Variants in RBM41 observed in about 807,000 individuals in gnomAD.
RBM41 encodes RNA binding motif protein 41.
RBM41 carries 14 observed loss-of-function variants against 30.8 expected under a neutral mutation model. The ratio of observed to expected loss-of-function variants is 0.45; its 90% CI spans 0.30 to 0.71. The LOEUF is 0.71. RBM41 is among the 30% of genes least tolerant of loss of function. RBM41 has a pLI of 0.08. For missense variants in RBM41, 276 were observed against 326.3 expected (o/e 0.85, Z 1.19); for synonymous variants, 120 against 110.1 (o/e 1.09, Z -0.56).
At chrX:107,097,385 C>T (rs1365828395) in intron 5 of RBM41, among the ~76,000 whole-genome samples, 13 of 111,571 alleles carry the variant, frequency 1.2e-4, no homozygotes, top group Non-Finnish European at 2.3e-4. Context: ...AATTGTAATC[C>T]CCATAATCCC....
At chrX:107,093,580 T>C (rs1922733281) in intron 5 of RBM41, among the ~76,000 whole-genome samples, 1 of 111,784 alleles carries the variant, frequency 8.9e-6, no homozygotes, top group Non-Finnish European at 1.9e-5. Flanking sequence ...TGGATGCAGC[T>C]AAAACAATGC....
At chrX:107,113,764 T>C (rs754642065) in intron 4 of RBM41, among the ~76,000 whole-genome samples, 7 of 112,163 alleles carry the variant, frequency 6.2e-5, no homozygotes, top group Non-Finnish European at 1.1e-4. Context: ...TTATGCTAAA[T>C]GTCTCTCCAC....
Position 107,064,411 on chromosome X carries a change from T to A in RBM41, c.*3116A>T, listed in dbSNP as rs1450034132. On this transcript the variant is annotated 3_prime_UTR_variant, in exon 8 of 8. Transcript: ENST00000685964. ...GATTTTTTTCTTTGACACATTTTTTTTTTTTTTTGGTAATGACAGGGTCTT... is the reference window on the plus strand; with the variant it reads ...GATTTTTTTCTTTGACACATTTTTTATTTTTTTTGGTAATGACAGGGTCTT... The A allele has an allele frequency of 4.6e-5, 5 of 109,181 alleles. No individual in the cohort carries two copies. The highest frequency in any genetic ancestry group is 1.7e-4 in the African/African-American group (5 of 29,976). The allele number at this position is 109,181 out of a possible 1,213,427, so 9.0% of individuals were successfully genotyped here.
rs767436969 is a variant in RBM41, at chrX:107,064,730, C to T, written c.*2797G>A. 1.1e-4 allele frequency: 12 copies of T among 111,860 alleles called. No homozygotes were observed. Among genetic ancestry groups the T allele is most frequent in the African/African-American group, 2.9e-4 (9 of 30,839 alleles). The allele number at this position is 111,860 out of a possible 1,213,427, so 9.2% of individuals were successfully genotyped here. ...ATTTTGGAGATGTTTCATATGCACT[C>T]GAGAAGAATATGTATTCTGATGTTG... On this transcript the variant is annotated 3_prime_UTR_variant, in exon 8 of 8. Transcript: ENST00000685964.
At chrX:107,112,975 G>T in intron 5 of RBM41, 1 of 275,272 alleles carries the variant, frequency 3.6e-6, no homozygotes, top group Non-Finnish European at 6.9e-6. Flanking sequence ...GAATCTACAT[G>T]ATTTACAATT....
chrX:107,109,479 T>C (rs973411225), intron 5 of RBM41, among the ~76,000 whole-genome samples: 5 of 111,896 alleles, frequency 4.5e-5, no homozygotes, highest in Non-Finnish European at 9.4e-5. Flanking sequence ...GAGTCTTCTT[T>C]CTGTTTAACT....
chrX:107,053,335 C>T, the RBM41 span, among the ~76,000 whole-genome samples: 4 of 113,190 alleles, frequency 3.5e-5, no homozygotes, highest in East Asian at 1.1e-3. Flanking sequence ...AAAAAATATT[C>T]CTGAGGGTAG....
At chrX:107,082,962 G>T (rs1296274623) in intron 6 of RBM41, among the ~76,000 whole-genome samples, 1 of 111,037 alleles carries the variant, frequency 9.0e-6, no homozygotes, top group East Asian at 2.8e-4. Context: ...GAAAATAAAA[G>T]ATTTCATTTT....
intron 6 of RBM41, among the ~76,000 whole-genome samples, chrX:107,070,608 C>T (rs1201342761): frequency 2.7e-5 from 3 of 111,507 alleles, no homozygotes; most frequent in African/African-American, 6.5e-5. Flanking sequence ...ATCTTAGGAA[C>T]TCCTCTAATG....
At chrX:107,082,664 A>C (rs1921638354) in intron 6 of RBM41, among the ~76,000 whole-genome samples, 1 of 111,255 alleles carries the variant, frequency 9.0e-6, no homozygotes, top group African/African-American at 3.3e-5. Context: ...TCTCTTAGCC[A>C]TATCAGTTGT....
intron 5 of RBM41, among the ~76,000 whole-genome samples, chrX:107,091,220 A>C (rs989387796): frequency 2.1e-4 from 23 of 112,077 alleles, no homozygotes; most frequent in Non-Finnish European, 4.1e-4. Flanking sequence ...TCATATGCTT[A>C]ATATTAGCAA....
chrX:107,078,294 T>C (rs1158788902), intron 6 of RBM41, among the ~76,000 whole-genome samples: 1 of 111,638 alleles, frequency 9.0e-6, no homozygotes, highest in African/African-American at 3.3e-5. Flanking sequence ...GAAGTCATTA[T>C]GAGCAGCTCA....
intron 5 of RBM41, among the ~76,000 whole-genome samples, chrX:107,110,541 G>A (rs929197199): frequency 9.0e-6 from 1 of 111,248 alleles, no homozygotes; most frequent in Non-Finnish European, 1.9e-5. Context: ...CAGATTCAAT[G>A]TAAGTCCTAC....
intron 6 of RBM41, among the ~76,000 whole-genome samples, chrX:107,079,253 T>C (rs962481909): frequency 8.9e-6 from 1 of 112,425 alleles, no homozygotes; most frequent in Admixed American, 9.4e-5. Context: ...GAGTTCATCC[T>C]GATGTCTCCA....
At chrX:107,052,153 G>C in the RBM41 span, among the ~76,000 whole-genome samples, 1 of 111,692 alleles carries the variant, frequency 9.0e-6, no homozygotes, top group Non-Finnish European at 1.9e-5. Context: ...ATTTAATAGA[G>C]TGAAAACAGG....
chrX:107,111,559 T>C (rs900047216), intron 5 of RBM41, among the ~76,000 whole-genome samples: 1 of 111,104 alleles, frequency 9.0e-6, no homozygotes, highest in Non-Finnish European at 1.9e-5. Flanking sequence ...CCTACAATAA[T>C]TGAAAGCAGG....
At chrX:107,056,150 G>A in the RBM41 span, among the ~76,000 whole-genome samples, 2 of 111,711 alleles carry the variant, frequency 1.8e-5, no homozygotes, top group Non-Finnish European at 3.8e-5. Context: ...TAAATGAGAT[G>A]ATCATGTGTT....
In RBM41 at chrX:107,063,215, C is replaced by G. The variant is rs1213830997; in HGVS notation, c.*4312G>C. 9.0e-6 allele frequency among the ~76,000 whole-genome samples: 1 copy of G among 111,035 alleles called. No homozygotes were observed. The highest frequency in any genetic ancestry group is 2.8e-4 in the East Asian group (1 of 3,563). On this transcript the variant is annotated 3_prime_UTR_variant, in exon 8 of 8. Transcript: ENST00000685964. The stretch of plus-strand genomic sequence containing the variant: ...TTACCCCCAGCCCTTCCCATTCCCC[C>G]CAACTCTGTGCTAGCCCTAAGCAAC...
chrX:107,118,738 G>C (rs766722624), intron 1 of RBM41, 28 bp downstream of exon 1: 3 of 1,209,583 alleles, frequency 2.5e-6, no homozygotes, highest in Admixed American at 2.2e-5. Context: ...AGCTCCCCTT[G>C]CCGCCTGCTC....
Sources: gnomAD v4.1 joint callset for allele counts (sites outside exome capture counted in the v4.1 genomes callset) on GRCh38, gnomAD v4.1.1 for gene constraint, MANE v1.5 for transcripts, NCBI Gene and HGNC (gene_info 2026-07-23, HGNC 2026-07-21) for gene names.